The following ACP6 variants were observed in gnomAD, a reference collection of about 807,000 sequenced individuals.
ACP6 encodes the protein lysophosphatidic acid phosphatase type 6.
In ACP6, 48 loss-of-function variants were observed where a neutral mutation model predicts 48.1. The ratio of observed to expected loss-of-function variants is 1.00; its 90% CI spans 0.79 to 1.27. The LOEUF (loss-of-function observed/expected upper bound fraction) is 1.27, where lower values mean the gene tolerates loss of function less well. Among genes scored for constraint, ACP6 ranks in the 50% most tolerant of loss-of-function variants. The pLI, the probability that ACP6 is intolerant of heterozygous loss-of-function variation, is 0.00. For synonymous variants in ACP6, 172 were observed against 204.2 expected, an observed-to-expected ratio of 0.84 and a Z score of 1.34; for missense variants, 485 against 529.1, an observed-to-expected ratio of 0.92 and a Z score of 0.82.
intron 9 of ACP6, chr1:147,647,770 T>C: frequency 1.5e-6 from 1 of 688,070 alleles, no homozygotes; most frequent in South Asian, 2.1e-5. Context: ...AAGTGTTGAA[T>C]TGACTGGGAA....
At chr1:147,653,351 G>A (rs1343786176) in intron 6 of ACP6, among the ~76,000 whole-genome samples, 8 of 151,030 alleles carry the variant, frequency 5.3e-5, no homozygotes, top group African/African-American at 9.7e-5. Flanking sequence ...GGCTGGTCTC[G>A]AACTCCTGAC....
At chr1:147,648,093 CAT>C in intron 9 of ACP6, 151 bp downstream of exon 9, 1 of 823,100 alleles carries the variant, frequency 1.2e-6, no homozygotes, top group Non-Finnish European at 1.9e-6. Context: ...ACCCCTGGGC[CAT>C]AGCCAGGAGT....
chr1:147,646,961 A>G lies in ACP6; in HGVS notation c.*462T>C, dbSNP rs907773495. 2 of 155,566 alleles carry G rather than the reference A, an allele frequency of 1.3e-5. No individual in the cohort carries two copies. The highest frequency in any genetic ancestry group is 2.8e-5 in the Non-Finnish European group (2 of 70,190). 9.6% of individuals were successfully genotyped at this position (155,566 alleles called of 1,614,324 possible). ...TTCTCTATACCCAAATAGCCCCTCA[A>G]ATACCTATTACAGCATAAAACATAC... On this transcript the variant is annotated 3_prime_UTR_variant, in exon 10 of 10. Transcript: ENST00000583509.
Position 147,644,246 on chromosome 1 carries a change from CAT to C in ACP6, c.*3175_*3176del, listed in dbSNP as rs1330954117. 1 of 152,138 alleles carries C rather than the reference CAT, an allele frequency of 6.6e-6. No homozygotes were observed. Among genetic ancestry groups the C allele is most frequent in the African/African-American group, 2.4e-5 (1 of 41,414 alleles). The allele number at this position is 152,138 out of a possible 1,614,324, so 9.4% of individuals were successfully genotyped here. ...TGATTTAATCATTCCCTCATGCATA[CAT>C]ATATCAAAACATCACATTGTACTCC... On this transcript the variant is annotated 3_prime_UTR_variant, in exon 10 of 10. Transcript: ENST00000583509.
chr1:147,632,568 C>T (rs587657477), intron 5 of ACP6, among the ~76,000 whole-genome samples: 3 of 151,332 alleles, frequency 2.0e-5, no homozygotes, highest in Admixed American at 6.6e-5. Flanking sequence ...CAAATGACAG[C>T]GAAGGGAACA....
intron 3 of ACP6, 29 bp from the exon 4 acceptor site, chr1:147,659,068 C>A (rs1553212207): frequency 6.3e-7 from 1 of 1,576,498 alleles, no homozygotes; most frequent in South Asian, 1.1e-5. Flanking sequence ...TAGTGACACT[C>A]ATAAAAGGAA....
chr1:147,661,515 G>C (rs1660545564), intron 1 of ACP6, among the ~76,000 whole-genome samples: 1 of 152,140 alleles, frequency 6.6e-6, no homozygotes, highest in East Asian at 1.9e-4. Flanking sequence ...CCCTCTCCTT[G>C]AGCCTCCTTA....
chr1:147,652,278 T>C (rs1366492947), intron 7 of ACP6, 171 bp downstream of exon 7: 1 of 593,212 alleles, frequency 1.7e-6, no homozygotes, highest in East Asian at 2.9e-5. Flanking sequence ...GTCCCAGCTG[T>C]AGAAGTGCGA....
intron 4 of ACP6, among the ~76,000 whole-genome samples, chr1:147,657,524 G>A (rs1047950319): frequency 5.9e-5 from 9 of 152,050 alleles, no homozygotes; most frequent in African/African-American, 1.2e-4. Flanking sequence ...GAGTTCAAAC[G>A]ATTCTCCTGC....
intron 5 of ACP6, among the ~76,000 whole-genome samples, chr1:147,654,557 CA>C (rs1660134044): frequency 6.6e-6 from 1 of 152,164 alleles, no homozygotes; most frequent in Admixed American, 6.5e-5. Context: ...TGAAATTTTC[CA>C]AATCTCACTC....
rs1553212371 is a variant in ACP6 at position 147,659,672 on chromosome 1, G to C, written c.323C>G (p.Ser108Cys). 1 of 1,614,214 alleles carries C rather than the reference G, an allele frequency of 6.2e-7. No individual in the cohort carries two copies. The highest frequency in any genetic ancestry group is 1.7e-5 in the Admixed American group (1 of 60,034). The change falls in exon 2 of 10, where the codon TCT becomes TGT. Residue 108 changes from serine to cysteine, a missense_variant. Physicochemically the swap from Ser to Cys is moderately radical, Grantham distance 112 (BLOSUM62 -1). Coordinates refer to ENST00000583509, the MANE Select transcript of ACP6 (RefSeq NM_016361.5). ...CTTCAGGGTGGTCTCATGGTATTGAGAGTCGTAAGGAGAATATGGTTTCGG... is the reference window on the plus strand; with the variant it reads ...CTTCAGGGTGGTCTCATGGTATTGACAGTCGTAAGGAGAATATGGTTTCGG... The part of the protein sequence containing the change: ...GGPKPYSPYD[S>C]QYHETTLKGG...
At chr1:147,659,249 G>T in intron 3 of ACP6, 147 bp downstream of exon 3, 1 of 1,225,830 alleles carries the variant, frequency 8.2e-7, no homozygotes, top group Non-Finnish European at 1.1e-6. Flanking sequence ...CTGTTCACCA[G>T]ATCCTGTGAC....
Position 147,643,605 on chromosome 1 carries a change from C to T in ACP6, c.*3818G>A, listed in dbSNP as rs2148900241. On this transcript the variant is annotated 3_prime_UTR_variant, in exon 10 of 10. Coordinates refer to ENST00000583509, the MANE Select transcript of ACP6 (RefSeq NM_016361.5). ...GAGGTGAGGACATGGCTCAGGACTA[C>T]TTGGCATACTCCATCTTCAACGATA... 1.3e-5 allele frequency: 2 copies of T among 152,250 alleles called. No homozygotes were observed. Among genetic ancestry groups the T allele is most frequent in the South Asian group, 2.1e-4 (1 of 4,832 alleles). 9.4% of individuals were successfully genotyped at this position (152,250 alleles called of 1,614,324 possible).
chr1:147,669,284 CAGG>C (rs1553214141), intron 1 of ACP6, among the ~76,000 whole-genome samples: 2 of 151,322 alleles, frequency 1.3e-5, no homozygotes, highest in Admixed American at 1.3e-4. Context: ...AAAAAAACTT[CAGG>C]AGATCTCAAA....
At chr1:147,648,171 T>C (rs1377414926) in intron 9 of ACP6, 75 bp downstream of exon 9, 2 of 1,550,602 alleles carry the variant, frequency 1.3e-6, no homozygotes, top group Admixed American at 1.7e-5. Flanking sequence ...GGAGGGAGAC[T>C]TGGTGCTAAC....
intron 1 of ACP6, among the ~76,000 whole-genome samples, chr1:147,662,762 A>G (rs1287778532): frequency 6.6e-6 from 1 of 152,240 alleles, no homozygotes; most frequent in East Asian, 1.9e-4. Flanking sequence ...GCAGAGTTTG[A>G]GAAGATTGAC....
intron 8 of ACP6, among the ~76,000 whole-genome samples, chr1:147,649,401 G>A (rs1233858677): frequency 6.6e-6 from 1 of 151,852 alleles, no homozygotes; most frequent in Non-Finnish European, 1.5e-5. Context: ...TCCCAACCTT[G>A]GATTCAAGGC....
At chr1:147,637,081 C>A (rs1452158145) in intron 5 of ACP6, among the ~76,000 whole-genome samples, 1 of 152,166 alleles carries the variant, frequency 6.6e-6, no homozygotes, top group Non-Finnish European at 1.5e-5. Flanking sequence ...TCAAGCACTT[C>A]TCTCCTCCTG....
At position 147,659,401 on chromosome 1, in the gene ACP6, C is replaced by G. The variant is rs782515859; in HGVS notation, c.474G>C (p.Glu158Asp). The change falls in exon 3 of 10, where the codon GAG becomes GAC. Residue 158 changes from glutamate (E) to aspartate (D), a missense_variant. Transcript: ENST00000583509. ...TCCCCTTTCAAGTGACTCACAAGAC[C>G]TCCTGTGGGTTGAAGGTTGGTGAAA... ...PFLSPTFNPQ[E>D]VFIRSTNIFR... is the part of the protein sequence containing the mutation. 1.2e-6 allele frequency: 2 copies of G among 1,613,884 alleles called. No individual in the cohort carries two copies. The highest frequency in any genetic ancestry group is 2.7e-5 in the African/African-American group (2 of 74,930).
Sources: gnomAD v4.1 joint callset for allele counts (sites outside exome capture counted in the v4.1 genomes callset) on GRCh38, gnomAD v4.1.1 for gene constraint, MANE v1.5 for transcripts, NCBI Gene and HGNC (gene_info 2026-07-23, HGNC 2026-07-21) for gene names.